Variants in UNC5D observed in about 807,000 individuals in gnomAD.
UNC5D encodes unc-5 netrin receptor D.
In UNC5D, 39 loss-of-function variants were observed where a neutral mutation model predicts 105.4. The ratio of observed to expected loss-of-function variants is 0.37; its 90% CI spans 0.29 to 0.48. The LOEUF (loss-of-function observed/expected upper bound fraction) is 0.48. UNC5D is among the 20% of genes least tolerant of loss of function. The pLI is 0.98. For missense variants in UNC5D, 991 were observed against 1,202.4 expected (o/e 0.82, Z 2.60); for synonymous variants, 452 against 450.4 (o/e 1.00, Z -0.04).
At chr8:35,766,823 A>T in intron 14 of UNC5D, 79 bp from the exon 15 acceptor site, 1 of 1,421,610 alleles carries the variant, frequency 7.0e-7, no homozygotes, top group Non-Finnish European at 9.4e-7. Flanking sequence ...CATCATCATC[A>T]TCACTATTAA....
At chr8:35,595,531 A>G in intron 3 of UNC5D, 23 bp from the exon 4 acceptor site, 1 of 1,608,956 alleles carries the variant, frequency 6.2e-7, no homozygotes, top group Non-Finnish European at 8.5e-7. Context: ...ACAAAGTGTC[A>G]CCTATCTCAT....
intron 1 of UNC5D, among the ~76,000 whole-genome samples, chr8:35,539,272 C>T (rs988347515): frequency 6.6e-6 from 1 of 152,042 alleles, no homozygotes; most frequent in South Asian, 2.1e-4. Flanking sequence ...ATATTTTTAA[C>T]ATGTGTTTGT....
intron 4 of UNC5D, among the ~76,000 whole-genome samples, chr8:35,601,505 G>C (rs547271509): frequency 6.6e-6 from 1 of 152,100 alleles, no homozygotes; most frequent in Non-Finnish European, 1.5e-5. Flanking sequence ...TCCATGAAGA[G>C]GTCCTTCACA....
At chr8:35,543,894 A>T (rs757425775) in intron 1 of UNC5D, among the ~76,000 whole-genome samples, 3 of 152,134 alleles carry the variant, frequency 2.0e-5, no homozygotes, top group Non-Finnish European at 4.4e-5. Context: ...TTTTTATACC[A>T]TCTTTTGGTT....
chr8:35,780,713 A>G (rs1369902273), intron 16 of UNC5D, among the ~76,000 whole-genome samples: 2 of 152,172 alleles, frequency 1.3e-5, no homozygotes, highest in African/African-American at 4.8e-5. Flanking sequence ...GGGATTTACT[A>G]TGATCACACT....
intron 1 of UNC5D, among the ~76,000 whole-genome samples, chr8:35,271,022 T>G (rs1250299074): frequency 6.6e-6 from 1 of 151,782 alleles, no homozygotes; most frequent in Admixed American, 6.6e-5. Context: ...TGAGCTACAT[T>G]TTTAAAATAT....
chr8:35,435,782 TATAA>T (rs1246238647), intron 1 of UNC5D, among the ~76,000 whole-genome samples: 6 of 152,066 alleles, frequency 3.9e-5, no homozygotes, highest in African/African-American at 1.4e-4. Context: ...ACATGGAAGC[TATAA>T]ATAGTGTTCA....
intron 1 of UNC5D, among the ~76,000 whole-genome samples, chr8:35,324,530 T>G (rs1265296326): frequency 2.6e-5 from 4 of 152,204 alleles, no homozygotes; most frequent in Non-Finnish European, 5.9e-5. Context: ...TTTACATTTT[T>G]TATTGTTTTA....
chr8:35,621,442 A>T (rs982791785), intron 4 of UNC5D, among the ~76,000 whole-genome samples: 1 of 152,170 alleles, frequency 6.6e-6, no homozygotes, highest in South Asian at 2.1e-4. Context: ...CTCAAATGGA[A>T]TGATTATGTT....
At chr8:35,247,524 A>C (rs10105122) in intron 1 of UNC5D, among the ~76,000 whole-genome samples, 10,081 of 123,794 alleles carry the variant, frequency 0.081, 508 homozygotes, top group South Asian at 0.16. Context: ...CTCTCTCTCT[A>C]TATATATATA....
chr8:35,544,472 C>T (rs374099935), intron 1 of UNC5D: 3 of 1,613,800 alleles, frequency 1.9e-6, no homozygotes, highest in Middle Eastern at 1.6e-4. Flanking sequence ...AGTTAAAGCT[C>T]TCAGTGATGT....
intron 1 of UNC5D, among the ~76,000 whole-genome samples, chr8:35,382,998 G>A (rs1375408055): frequency 6.6e-6 from 1 of 152,174 alleles, no homozygotes; most frequent in African/African-American, 2.4e-5. Flanking sequence ...ATTAAACCTT[G>A]CTTAAAATAC....
intron 16 of UNC5D, 60 bp from the exon 17 acceptor site, chr8:35,790,299 T>C (rs1802977429): frequency 6.6e-7 from 1 of 1,508,894 alleles, no homozygotes; most frequent in African/African-American, 1.4e-5. Context: ...TGGTGATCAG[T>C]GTTTATTCCT....
intron 1 of UNC5D, among the ~76,000 whole-genome samples, chr8:35,281,140 C>G (rs1432041014): frequency 6.6e-6 from 1 of 152,116 alleles, no homozygotes; most frequent in Non-Finnish European, 1.5e-5. Context: ...TATCCGTCTC[C>G]CCGTGGGCAA....
At chr8:35,554,069 C>T (rs4739415) in intron 2 of UNC5D, among the ~76,000 whole-genome samples, 2 of 151,962 alleles carry the variant, frequency 1.3e-5, no homozygotes, top group Admixed American at 6.6e-5. Flanking sequence ...GCATTCTGTC[C>T]TCACAGAACT....
chr8:35,503,764 T>G (rs908492756), intron 1 of UNC5D, among the ~76,000 whole-genome samples: 6 of 152,194 alleles, frequency 3.9e-5, no homozygotes, highest in African/African-American at 1.4e-4. Context: ...TTGCTCCCTC[T>G]GAATCATCGT....
chr8:35,623,060 T>G (rs1370531651), intron 4 of UNC5D, among the ~76,000 whole-genome samples: 2 of 152,210 alleles, frequency 1.3e-5, no homozygotes, highest in Non-Finnish European at 2.9e-5. Context: ...GTGGAACGTC[T>G]AGAATCAATA....
chr8:35,298,586 GT>G (rs35299004), intron 1 of UNC5D, among the ~76,000 whole-genome samples: 1,251 of 110,530 alleles, frequency 0.011, 6 homozygotes, highest in African/African-American at 0.027. Flanking sequence ...ATTGTTGTAG[GT>G]TTTTTTTTTT....
chr8:35,266,660 G>A (rs1554861), intron 1 of UNC5D, among the ~76,000 whole-genome samples: 124,689 of 152,056 alleles, frequency 0.82, 51,569 homozygotes, highest in East Asian at 1. Context: ...GCTTGTCTCC[G>A]CTCCATGAAC....
Sources: allele counts gnomAD v4.1 joint callset (sites outside exome capture counted in the v4.1 genomes callset), GRCh38; gene constraint gnomAD v4.1.1; transcripts MANE v1.5; gene names NCBI Gene and HGNC (gene_info 2026-07-23, HGNC 2026-07-21).